IL17RD: variants seen among roughly 807,000 people sequenced by gnomAD.
IL17RD encodes interleukin-17 receptor D.
A neutral mutation model predicts 80.5 loss-of-function variants in IL17RD; 52 were observed. The observed-to-expected ratio is 0.65, with a 90% CI of 0.52 to 0.81. The LOEUF (loss-of-function observed/expected upper bound fraction) is 0.81. IL17RD is among the 40% of genes least tolerant of loss of function. The pLI is 0.00. For missense variants in IL17RD, 1,024 were observed against 955.1 expected (o/e 1.07, Z -0.95); for synonymous variants, 416 against 391.8 (o/e 1.06, Z -0.73).
chr3:57,122,525 A>G (rs1707362636), intron 1 of IL17RD, among the ~76,000 whole-genome samples: 1 of 152,180 alleles, frequency 6.6e-6, no homozygotes, highest in African/African-American at 2.4e-5. Context: ...CACAAACCCT[A>G]TTGTGAACTG....
At chr3:57,110,855 T>C (rs1414562976) in intron 3 of IL17RD, among the ~76,000 whole-genome samples, 1 of 152,224 alleles carries the variant, frequency 6.6e-6, no homozygotes, top group Non-Finnish European at 1.5e-5. Context: ...CTGTGTGATT[T>C]ACAAAGCGGT....
At chr3:57,136,899 A>C (rs1707742931) in intron 1 of IL17RD, among the ~76,000 whole-genome samples, 1 of 152,188 alleles carries the variant, frequency 6.6e-6, no homozygotes, top group Non-Finnish European at 1.5e-5. Context: ...ACGAAACTAC[A>C]GTAGATAAGG....
At chr3:57,121,433 G>C (rs1046102971) in intron 1 of IL17RD, among the ~76,000 whole-genome samples, 1 of 152,076 alleles carries the variant, frequency 6.6e-6, no homozygotes, top group African/African-American at 2.4e-5. Flanking sequence ...AGATATACAT[G>C]GGCCTTGGGA....
rs146435174 is a variant in IL17RD at position 57,142,309 on chromosome 3, T to G, written c.127-21996A>C. 1,601 of 330,758 alleles carry G rather than the reference T, an allele frequency of 4.8e-3. 26 individuals carry two copies. The highest frequency in any genetic ancestry group is 0.033 in the African/African-American group (1,505 of 45,314). 20.5% of individuals were successfully genotyped at this position (330,758 alleles called of 1,614,324 possible). The stretch of plus-strand genomic sequence containing the variant: ...TCCTTCTGGGAATTCAGGGTAAAAG[T>G]TTTACAAAAACAGTGTCCAGATGTG... On this transcript the variant is annotated intron_variant, in intron 1 of 12. Coordinates refer to ENST00000296318, the MANE Select transcript of IL17RD (RefSeq NM_017563.5).
intron 1 of IL17RD, among the ~76,000 whole-genome samples, chr3:57,149,563 GC>G (rs1447848902): frequency 6.6e-6 from 1 of 152,206 alleles, no homozygotes; most frequent in African/African-American, 2.4e-5. Context: ...CAATAGGGTA[GC>G]CTCTAGCCAT....
In IL17RD at chr3:57,089,983, TAAAAC is replaced by T. The variant is rs914253269; in HGVS notation, c.*6405_*6409del. The T allele has an allele frequency of 1.3e-5, 2 of 152,494 alleles. No individual in the cohort carries two copies. The highest frequency in any genetic ancestry group is 2.9e-5 in the Non-Finnish European group (2 of 68,044). 9.4% of individuals were successfully genotyped at this position (152,494 alleles called of 1,614,324 possible). ...GCTGAAAAATGAGCCACTACAACCT[TAAAAC>T]AAAACATTTTATTTAATGCAGAAAT... On this transcript the variant is annotated 3_prime_UTR_variant, in exon 13 of 13. Coordinates refer to ENST00000296318, the MANE Select transcript of IL17RD (RefSeq NM_017563.5).
intron 1 of IL17RD, 27 bp downstream of exon 1, chr3:57,165,134 G>A: frequency 1.3e-6 from 2 of 1,503,292 alleles, no homozygotes; most frequent in African/African-American, 1.5e-5. Context: ...GTTGGCGACG[G>A]CAAGAAACCC....
At chr3:57,124,345 T>G (rs1419967999) in intron 1 of IL17RD, among the ~76,000 whole-genome samples, 1 of 152,130 alleles carries the variant, frequency 6.6e-6, no homozygotes, top group Admixed American at 6.6e-5. Flanking sequence ...ACTATGGAGA[T>G]GTAATTAAGT....
chr3:57,110,458 GA>G, intron 3 of IL17RD, 147 bp from the exon 4 acceptor site: 1 of 821,498 alleles, frequency 1.2e-6, no homozygotes, highest in Non-Finnish European at 1.9e-6. Flanking sequence ...CTATAGAATG[GA>G]AAAAACACAC....
chr3:57,108,584 C>T lies in IL17RD; in HGVS notation c.550+953G>A, dbSNP rs1440133908. Among the ~76,000 whole-genome samples, 4 of 124,740 alleles carry T rather than the reference C, an allele frequency of 3.2e-5. No individual in the cohort carries two copies. The East Asian group carries it at 1.1e-3, about 34-fold the overall frequency. The allele number at this position is 124,740 out of a possible 152,430, so 81.8% of individuals were successfully genotyped here. Reference sequence around the variant, plus strand: ...AGGCTGGAGTACAGTGGCTTGATCTCAGCTCACTGCAACCTCCACCTCCTG... The same window carrying T: ...AGGCTGGAGTACAGTGGCTTGATCTTAGCTCACTGCAACCTCCACCTCCTG... On this transcript the variant is annotated intron_variant, in intron 5 of 12. Coordinates refer to ENST00000296318, the MANE Select transcript of IL17RD (RefSeq NM_017563.5).
At chr3:57,096,671 G>C (rs924519814) in intron 12 of IL17RD, among the ~76,000 whole-genome samples, 166 bp from the exon 13 acceptor site, 5 of 152,248 alleles carry the variant, frequency 3.3e-5, no homozygotes, top group African/African-American at 1.2e-4. Context: ...CCTCCTAACA[G>C]GTTCTAGTTC....
At chr3:57,131,873 G>A (rs1339735969) in intron 1 of IL17RD, among the ~76,000 whole-genome samples, 1 of 152,176 alleles carries the variant, frequency 6.6e-6, no homozygotes, top group African/African-American at 2.4e-5. Flanking sequence ...ATAGAGAGTG[G>A]TTTTACTTCG....
At chr3:57,096,732 G>A (rs975389964) in intron 12 of IL17RD, among the ~76,000 whole-genome samples, 3 of 152,166 alleles carry the variant, frequency 2.0e-5, no homozygotes, top group Admixed American at 2.0e-4. Context: ...CGTTTAGGCC[G>A]GGCGCAGTGG....
At chr3:57,134,732 C>G in intron 1 of IL17RD, 1 of 634,818 alleles carries the variant, frequency 1.6e-6, no homozygotes, top group East Asian at 3.1e-5. Flanking sequence ...GAAAGCTCCC[C>G]CTTTGTCTGT....
chr3:57,137,704 G>A (rs1025360055), intron 1 of IL17RD, among the ~76,000 whole-genome samples: 4 of 152,130 alleles, frequency 2.6e-5, no homozygotes, highest in African/African-American at 9.7e-5. Context: ...GTCACCAGCC[G>A]CTTCCAATTT....
intron 5 of IL17RD, among the ~76,000 whole-genome samples, chr3:57,106,394 T>A (rs1255502195): frequency 1.3e-5 from 2 of 152,178 alleles, no homozygotes; most frequent in Non-Finnish European, 2.9e-5. Flanking sequence ...CAATGTAAAG[T>A]CACCCAGATT....
At chr3:57,144,564 T>G (rs1707889928) in intron 1 of IL17RD, among the ~76,000 whole-genome samples, 2 of 152,238 alleles carry the variant, frequency 1.3e-5, no homozygotes, top group Non-Finnish European at 2.9e-5. Flanking sequence ...GGATCTTCAC[T>G]CTGGTGTATT....
chr3:57,109,784 G>C (rs1707052547), intron 4 of IL17RD, 127 bp from the exon 5 acceptor site: 1 of 945,564 alleles, frequency 1.1e-6, no homozygotes, highest in Admixed American at 2.4e-5. Context: ...ATGTTCCAGG[G>C]AAGCAGGAAG....
chr3:57,156,166 C>G (rs2060265716), intron 1 of IL17RD, among the ~76,000 whole-genome samples: 2 of 152,142 alleles, frequency 1.3e-5, no homozygotes, highest in Non-Finnish European at 2.9e-5. Flanking sequence ...CTATGTATGT[C>G]CCAAGGTGAA....
Sources: allele counts gnomAD v4.1 joint callset (sites outside exome capture counted in the v4.1 genomes callset), GRCh38; gene constraint gnomAD v4.1.1; transcripts MANE v1.5; gene names NCBI Gene and HGNC (gene_info 2026-07-23, HGNC 2026-07-21).